GRID2: variants seen among roughly 807,000 people sequenced by gnomAD.
The protein encoded by GRID2 is glutamate ionotropic receptor delta type subunit 2.
In GRID2, 33 loss-of-function variants were observed where a neutral mutation model predicts 114.8. That is an observed-to-expected ratio of 0.29 (90% CI 0.22 to 0.38). The LOEUF (loss-of-function observed/expected upper bound fraction) is 0.38. Among genes scored for constraint, GRID2 ranks in the 10% least tolerant of loss-of-function variants. The probability of loss-of-function intolerance (pLI) is 1.00; values close to 1 mark genes in which losing one functional copy is unlikely to be tolerated. For synonymous variants in GRID2, 505 were observed against 449.9 expected, an observed-to-expected ratio of 1.12 and a Z score of -1.55; for missense variants, 1,184 against 1,257.7, an observed-to-expected ratio of 0.94 and a Z score of 0.89.
At chr4:93,038,381 T>G (rs969995092) in intron 2 of GRID2, among the ~76,000 whole-genome samples, 1 of 152,112 alleles carries the variant, frequency 6.6e-6, no homozygotes, top group African/African-American at 2.4e-5. Flanking sequence ...AAGAAGACAT[T>G]TATGTAGCCA....
intron 8 of GRID2, among the ~76,000 whole-genome samples, chr4:93,383,232 C>T (rs1387889235): frequency 1.3e-5 from 2 of 152,086 alleles, no homozygotes; most frequent in African/African-American, 4.8e-5. Flanking sequence ...GACTACCTAG[C>T]CCTTCGTCTA....
intron 2 of GRID2, among the ~76,000 whole-genome samples, chr4:93,071,570 G>A (rs990083737): frequency 2.0e-5 from 3 of 152,128 alleles, no homozygotes; most frequent in African/African-American, 7.2e-5. Context: ...GGGGCTGCAG[G>A]AACTGAGGAT....
chr4:93,081,195 T>A (rs1405646619), intron 2 of GRID2, among the ~76,000 whole-genome samples: 1 of 152,102 alleles, frequency 6.6e-6, no homozygotes. Context: ...CGGGACAAAT[T>A]GGTAAATATA....
At position 92,842,971 on chromosome 4, in the gene GRID2, T is replaced by G. The variant is rs142772165; in HGVS notation, c.245-242024T>G. 5.7e-3 allele frequency among the ~76,000 whole-genome samples: 874 copies of G among 152,154 alleles called. 15 individuals carry two copies. Among genetic ancestry groups the G allele is most frequent in the African/African-American group, 0.02 (830 of 41,524 alleles). On this transcript the variant is annotated intron_variant, in intron 2 of 15. Coordinates refer to ENST00000282020, the MANE Select transcript of GRID2 (RefSeq NM_001510.4). ...AAAAGAATTAAAGCCAGGCATGGTG[T>G]TTTACACCGGTAATGTAAGCACTTT...
At chr4:93,324,998 C>G (rs1220259266) in intron 8 of GRID2, among the ~76,000 whole-genome samples, 2 of 152,088 alleles carry the variant, frequency 1.3e-5, no homozygotes, top group Non-Finnish European at 2.9e-5. Flanking sequence ...CTTCTGGATT[C>G]ATTGATTTTT....
chr4:92,699,545 A>G (rs1477703744), intron 2 of GRID2, among the ~76,000 whole-genome samples: 1 of 152,222 alleles, frequency 6.6e-6, no homozygotes, highest in East Asian at 1.9e-4. Context: ...GGGAGGCTTT[A>G]TCACTGACCA....
intron 1 of GRID2, among the ~76,000 whole-genome samples, chr4:92,574,261 G>T (rs1579608481): frequency 6.6e-6 from 1 of 151,980 alleles, no homozygotes; most frequent in Admixed American, 6.6e-5. Context: ...GCCATTCTTT[G>T]TCTTTTAAAT....
intron 1 of GRID2, among the ~76,000 whole-genome samples, chr4:92,379,283 T>C (rs758970743): frequency 1.1e-4 from 16 of 151,962 alleles, no homozygotes; most frequent in Non-Finnish European, 1.8e-4. Context: ...ATGAAGGGTA[T>C]GGGGGATCCA....
intron 13 of GRID2, among the ~76,000 whole-genome samples, chr4:93,589,117 C>A (rs567533256): frequency 6.6e-6 from 1 of 151,692 alleles, no homozygotes; most frequent in Admixed American, 6.6e-5. Context: ...TAGTTACATA[C>A]GTATACGTGT....
At chr4:93,617,436 T>C (rs1741790190) in intron 13 of GRID2, among the ~76,000 whole-genome samples, 1 of 152,190 alleles carries the variant, frequency 6.6e-6, no homozygotes, top group African/African-American at 2.4e-5. Flanking sequence ...AGTCTGCATA[T>C]GTGTTTTTAC....
chr4:93,278,506 G>A (rs1752311699), intron 8 of GRID2, among the ~76,000 whole-genome samples: 1 of 151,944 alleles, frequency 6.6e-6, no homozygotes, highest in Admixed American at 6.6e-5. Context: ...GCATGAGGAA[G>A]AAATGGTGAC....
chr4:92,458,162 C>T (rs1016280150), intron 1 of GRID2, among the ~76,000 whole-genome samples: 3 of 151,926 alleles, frequency 2.0e-5, no homozygotes, highest in African/African-American at 7.3e-5. Flanking sequence ...ATGTTTTGTA[C>T]CTTAAATTTT....
chr4:92,449,938 A>C (rs1720815997), intron 1 of GRID2, among the ~76,000 whole-genome samples: 1 of 151,750 alleles, frequency 6.6e-6, no homozygotes, highest in Admixed American at 6.6e-5. Context: ...CAATTAGATT[A>C]AAAGAAAATT....
chr4:92,687,381 C>T (rs1011263986), intron 2 of GRID2, among the ~76,000 whole-genome samples: 2 of 152,072 alleles, frequency 1.3e-5, no homozygotes, highest in Non-Finnish European at 2.9e-5. Flanking sequence ...GATTTGATTC[C>T]ATACCACCAC....
chr4:93,651,083 T>G (rs1276932491), intron 14 of GRID2, among the ~76,000 whole-genome samples: 1 of 152,168 alleles, frequency 6.6e-6, no homozygotes, highest in African/African-American at 2.4e-5. Flanking sequence ...GGACACAGAT[T>G]CTGCATCACC....
intron 14 of GRID2, among the ~76,000 whole-genome samples, chr4:93,628,492 A>G (rs1340474206): frequency 1.3e-5 from 2 of 152,126 alleles, no homozygotes; most frequent in African/African-American, 4.8e-5. Context: ...CTTGACCTTG[A>G]TGGGGCAAGG....
At chr4:93,562,727 A>G (rs1735042408) in intron 13 of GRID2, among the ~76,000 whole-genome samples, 1 of 151,988 alleles carries the variant, frequency 6.6e-6, no homozygotes, top group South Asian at 2.1e-4. Context: ...CAAGGTTACT[A>G]CCTAGATTTC....
chr4:92,707,132 C>T (rs1734993592), intron 2 of GRID2, among the ~76,000 whole-genome samples: 2 of 152,048 alleles, frequency 1.3e-5, no homozygotes, highest in South Asian at 4.1e-4. Flanking sequence ...AGTTACATGT[C>T]TATAAGCTGA....
chr4:93,714,033 C>G (rs1728702939), intron 14 of GRID2, among the ~76,000 whole-genome samples: 1 of 151,940 alleles, frequency 6.6e-6, no homozygotes. Flanking sequence ...ACAGATCATC[C>G]CATCACCTAG....
Sources: allele counts gnomAD v4.1 joint callset (sites outside exome capture counted in the v4.1 genomes callset), GRCh38; gene constraint gnomAD v4.1.1; transcripts MANE v1.5; gene names NCBI Gene and HGNC (gene_info 2026-07-23, HGNC 2026-07-21).